Variants in CRYBG1 observed in about 807,000 individuals in gnomAD.
CRYBG1 encodes crystallin beta-gamma domain containing 1, also known as beta/gamma crystallin domain-containing protein 1.
In CRYBG1, 139 loss-of-function variants were observed where a neutral mutation model predicts 189.2. That is an observed-to-expected ratio of 0.73 (90% CI 0.64 to 0.85). The LOEUF is 0.85. CRYBG1 is among the 40% of genes least tolerant of loss of function. The pLI, the probability that CRYBG1 is intolerant of heterozygous loss-of-function variation, is 0.00. For synonymous variants in CRYBG1, 1,023 were observed against 1,017.1 expected, an observed-to-expected ratio of 1.01 and a Z score of -0.11; for missense variants, 2,611 against 2,675.8, an observed-to-expected ratio of 0.98 and a Z score of 0.53.
intron 2 of CRYBG1, among the ~76,000 whole-genome samples, chr6:106,494,004 A>C (rs1158296217): frequency 3.3e-5 from 5 of 152,238 alleles, no homozygotes; most frequent in Admixed American, 6.5e-5. Context: ...TATGCATACA[A>C]TGGTATATTA....
At chr6:106,466,895 A>G (rs562661956) in intron 2 of CRYBG1, among the ~76,000 whole-genome samples, 11 of 152,348 alleles carry the variant, frequency 7.2e-5, no homozygotes, top group African/African-American at 2.4e-4. Flanking sequence ...CATATTTGTG[A>G]TAAATGAAAT....
intron 3 of CRYBG1, among the ~76,000 whole-genome samples, chr6:106,513,528 T>C (rs1773349474): frequency 6.6e-6 from 1 of 152,256 alleles, no homozygotes; most frequent in Non-Finnish European, 1.5e-5. Context: ...AGTGCATTTA[T>C]TGGCAAAAAG....
chr6:106,399,243 A>G (rs1206473076), intron 1 of CRYBG1, among the ~76,000 whole-genome samples: 6 of 152,206 alleles, frequency 3.9e-5, no homozygotes, highest in Admixed American at 3.9e-4. Flanking sequence ...GAAAATCCTG[A>G]CATAAGCCAC....
chr6:106,360,971 G>T lies in CRYBG1; in HGVS notation c.63G>T (p.Lys21Asn). 1 of 1,535,234 alleles carries T rather than the reference G, an allele frequency of 6.5e-7. No individual in the cohort carries two copies. The highest frequency in any genetic ancestry group is 8.7e-7 in the Non-Finnish European group (1 of 1,146,582). ...AGCCCAGCCCGTGCAGGCCCCCTAA[G>T]AAGCACACCACCTTCCACCTCTGGC... ...PGEPSPCRPP[K>N]KHTTFHLWRS... Residue 21 changes from lysine to asparagine, a missense_variant, in exon 1 of 22, where the codon AAG becomes AAT. Physicochemically the swap from Lys to Asn is moderately conservative, Grantham distance 94 (BLOSUM62 0). This residue lies in a region of CRYBG1 where 985 missense variants were observed against 924.4 expected (regional missense o/e 1.07). Coordinates refer to ENST00000633556, the MANE Select transcript of CRYBG1 (RefSeq NM_001371242.2).
intron 1 of CRYBG1, among the ~76,000 whole-genome samples, chr6:106,401,216 C>CT (rs1401258711): frequency 6.6e-6 from 1 of 152,124 alleles, no homozygotes; most frequent in Non-Finnish European, 1.5e-5. Flanking sequence ...GAGTTGGATT[C>CT]ATTTTTTAAT....
intron 2 of CRYBG1, among the ~76,000 whole-genome samples, chr6:106,501,336 G>A (rs1582799743): frequency 6.6e-6 from 1 of 152,160 alleles, no homozygotes; most frequent in South Asian, 2.1e-4. Context: ...ATTAAAAAAA[G>A]AGTAGGCTTA....
intron 1 of CRYBG1, among the ~76,000 whole-genome samples, chr6:106,429,662 G>A (rs566018601): frequency 3.9e-5 from 6 of 152,288 alleles, no homozygotes; most frequent in East Asian, 3.9e-4. Context: ...AGATCACGCC[G>A]GACAGGTTCA....
chr6:106,488,445 C>G (rs903327094), intron 2 of CRYBG1, among the ~76,000 whole-genome samples: 1 of 152,186 alleles, frequency 6.6e-6, no homozygotes, highest in African/African-American at 2.4e-5. Flanking sequence ...GGGTAAATGT[C>G]CAACAGTTGT....
chr6:106,422,489 G>A (rs1018007350), intron 1 of CRYBG1, among the ~76,000 whole-genome samples: 7 of 151,786 alleles, frequency 4.6e-5, no homozygotes, highest in Non-Finnish European at 5.9e-5. Context: ...GAGCCACCAT[G>A]CCCAGCTAAT....
At chr6:106,418,406 T>C (rs1348067261) in intron 1 of CRYBG1, among the ~76,000 whole-genome samples, 1 of 152,240 alleles carries the variant, frequency 6.6e-6, no homozygotes, top group African/African-American at 2.4e-5. Flanking sequence ...GGCTGTTTTT[T>C]TGGCTTGAAG....
chr6:106,471,827 A>G (rs1772239103), intron 2 of CRYBG1, among the ~76,000 whole-genome samples: 1 of 151,658 alleles, frequency 6.6e-6, no homozygotes, highest in African/African-American at 2.4e-5. Flanking sequence ...GAAGAAGAAA[A>G]TTAAGAGTCT....
intron 20 of CRYBG1, 25 bp from the exon 21 acceptor site, chr6:106,563,739 A>G: frequency 6.3e-7 from 1 of 1,580,578 alleles, no homozygotes; most frequent in Non-Finnish European, 8.7e-7. Flanking sequence ...CATATTTAAG[A>G]TATCTGGTCT....
chr6:106,479,749 T>C (rs1468875655), intron 2 of CRYBG1, among the ~76,000 whole-genome samples: 1 of 152,212 alleles, frequency 6.6e-6, no homozygotes, highest in Non-Finnish European at 1.5e-5. Flanking sequence ...TTGAAATTAT[T>C]TGCTTATTTT....
chr6:106,512,503 G>A lies in CRYBG1; in HGVS notation c.1386G>A (p.Ser462=). 2 of 1,611,084 alleles carry A rather than the reference G, an allele frequency of 1.2e-6. No homozygotes were observed. Among genetic ancestry groups the A allele is most frequent in the Middle Eastern group, 1.7e-4 (1 of 6,052 alleles). Residue 462 remains serine, a synonymous_variant, in exon 3 of 22, where the codon TCG becomes TCA. Transcript: ENST00000633556. ...VAPNAASDNA[S]AEKKVKSPRA... ...CAAACGCGGCCAGCGATAACGCCTC[G>A]GCGGAAAAGAAAGTGAAATCTCCGC...
chr6:106,566,872 G>GC (rs143975871), intron 21 of CRYBG1, among the ~76,000 whole-genome samples: 96 of 152,228 alleles, frequency 6.3e-4, no homozygotes, highest in African/African-American at 2.3e-3. Flanking sequence ...ATTAGATCAT[G>GC]CATCTGTCTT....
chr6:106,513,278 A>G (rs1419133749), intron 3 of CRYBG1, among the ~76,000 whole-genome samples: 1 of 152,204 alleles, frequency 6.6e-6, no homozygotes, highest in Non-Finnish European at 1.5e-5. Flanking sequence ...ACGAATGTAA[A>G]AATAGGATAT....
intron 1 of CRYBG1, among the ~76,000 whole-genome samples, chr6:106,408,969 G>C (rs1049916990): frequency 1.3e-5 from 2 of 152,168 alleles, no homozygotes; most frequent in Non-Finnish European, 2.9e-5. Context: ...GCACAAGACA[G>C]GGATGCCCTC....
intron 2 of CRYBG1, among the ~76,000 whole-genome samples, chr6:106,502,925 ACT>A (rs1773039115): frequency 6.6e-6 from 1 of 152,142 alleles, no homozygotes; most frequent in Non-Finnish European, 1.5e-5. Flanking sequence ...CTTAAAGAAA[ACT>A]CTCAAAATAA....
chr6:106,448,276 C>G (rs1457235374), intron 1 of CRYBG1, among the ~76,000 whole-genome samples: 1 of 152,198 alleles, frequency 6.6e-6, no homozygotes, highest in Admixed American at 6.5e-5. Context: ...AGCCAACACC[C>G]CATCATTCTC....
Sources: gnomAD v4.1 joint callset for allele counts (sites outside exome capture counted in the v4.1 genomes callset) on GRCh38, gnomAD v4.1.1 for gene constraint, gnomAD v4.1.1 regional missense constraint, MANE v1.5 for transcripts, NCBI Gene and HGNC (gene_info 2026-07-23, HGNC 2026-07-21) for gene names.